The following WDR12 variants were observed in gnomAD, a reference collection of about 807,000 sequenced individuals.
WDR12 encodes ribosome biogenesis protein WDR12.
WDR12 carries 42 observed loss-of-function variants against 64.3 expected under a neutral mutation model. That is an observed-to-expected ratio of 0.65 (90% CI 0.51 to 0.84). The LOEUF (loss-of-function observed/expected upper bound fraction) is 0.84. Among genes scored for constraint, WDR12 ranks in the 40% least tolerant of loss-of-function variants. The pLI, the probability that WDR12 is intolerant of heterozygous loss-of-function variation, is 0.00. For missense variants in WDR12, 469 were observed against 494.6 expected (o/e 0.95, Z 0.49); for synonymous variants, 158 against 173.3 (o/e 0.91, Z 0.70).
At chr2:202,892,309 C>T (rs1309915750) in intron 8 of WDR12, among the ~76,000 whole-genome samples, 1 of 152,150 alleles carries the variant, frequency 6.6e-6, no homozygotes, top group East Asian at 1.9e-4. Flanking sequence ...TTAGATGCTT[C>T]ACTTTAGTGT....
In WDR12 at chr2:202,884,560, G is replaced by A. The variant is rs761524615; in HGVS notation, c.742-25C>T. The A allele has an allele frequency of 8.2e-6, 13 of 1,594,158 alleles. No individual in the cohort carries two copies. The Admixed American group carries it at 1.1e-4, about 14-fold the overall frequency. ...TCTAGAAAGGAAGAACCCCAAAAGG[G>A]GAAAGTGTTTTCATTACAGAATAAT... On this transcript the variant is annotated intron_variant, in intron 8 of 12. Transcript: ENST00000261015.
chr2:202,892,231 C>G (rs1688168722), intron 8 of WDR12, among the ~76,000 whole-genome samples: 1 of 152,118 alleles, frequency 6.6e-6, no homozygotes, highest in Non-Finnish European at 1.5e-5. Context: ...GAAGATATAA[C>G]TAGGATCCCT....
intron 8 of WDR12, among the ~76,000 whole-genome samples, chr2:202,889,683 G>T (rs1400707026): frequency 2.0e-5 from 3 of 151,924 alleles, no homozygotes; most frequent in African/African-American, 7.3e-5. Flanking sequence ...GGAAGGCCGA[G>T]GTGGGAGGAC....
At chr2:202,903,633 T>A (rs1193924214) in intron 2 of WDR12, among the ~76,000 whole-genome samples, 5 of 152,220 alleles carry the variant, frequency 3.3e-5, no homozygotes, top group Non-Finnish European at 7.3e-5. Flanking sequence ...TTTGATATAA[T>A]CTTTATTTTA....
chr2:202,888,519 A>G (rs1254779233), intron 8 of WDR12, among the ~76,000 whole-genome samples: 1 of 152,184 alleles, frequency 6.6e-6, no homozygotes, highest in Non-Finnish European at 1.5e-5. Context: ...GAAGTACTGG[A>G]GGGAAAAAAG....
chr2:202,891,490 T>C (rs1017418260), intron 8 of WDR12, among the ~76,000 whole-genome samples: 1 of 152,180 alleles, frequency 6.6e-6, no homozygotes, highest in African/African-American at 2.4e-5. Flanking sequence ...AGTAAAGAAG[T>C]TGAGTAAGTG....
At chr2:202,887,305 C>A (rs2351520) in intron 8 of WDR12, among the ~76,000 whole-genome samples, 136,261 of 151,832 alleles carry the variant, frequency 0.9, 61,635 homozygotes, top group Non-Finnish European at 0.95. Flanking sequence ...GTTACAGGTG[C>A]CCCACTGCAC....
intron 8 of WDR12, among the ~76,000 whole-genome samples, chr2:202,890,711 C>T (rs1035728825): frequency 6.6e-6 from 1 of 150,692 alleles, no homozygotes; most frequent in Admixed American, 6.6e-5. Flanking sequence ...GCGGAGCTTG[C>T]AGTGAGCCGA....
At chr2:202,898,657 T>G (rs559082656) in intron 4 of WDR12, among the ~76,000 whole-genome samples, 38 of 152,346 alleles carry the variant, frequency 2.5e-4, no homozygotes, top group African/African-American at 7.5e-4. Context: ...GAGTCCAGTC[T>G]GCTCCTTCTA....
chr2:202,899,446 GA>G, intron 4 of WDR12, 84 bp downstream of exon 4: 1 of 1,155,528 alleles, frequency 8.7e-7, no homozygotes, highest in Non-Finnish European at 1.2e-6. Context: ...TTAAATCACA[GA>G]AAAATATGTA....
At position 202,883,669 on chromosome 2, in the gene WDR12, T is replaced by C; in HGVS notation, c.1061A>G (p.His354Arg). Residue 354 changes from histidine (H) to arginine (R), a missense_variant, in exon 11 of 13, where the codon CAT becomes CGT. His to Arg is a conservative substitution (Grantham distance 29). Transcript: ENST00000261015. The stretch of plus-strand genomic sequence containing the variant: ...AGATCCTGAAATCAGCTGCTGTTCA[T>C]GGGTAGGAGACCATTTTACTGATGT... ...WVTSVKWSPT[H>R]EQQLISGSLD... 1 of 1,614,156 alleles carries C rather than the reference T, an allele frequency of 6.2e-7. No homozygotes were observed. Among genetic ancestry groups the C allele is most frequent in the Non-Finnish European group, 8.5e-7 (1 of 1,180,030 alleles).
In WDR12 at chr2:202,906,321, CTTGAATA is replaced by C. The variant is rs1361761931; in HGVS notation, c.136+1537_136+1543del. ...CAACAGGAAATGCTATGTAAATATC[CTTGAATA>C]TTGAATATTGAACTGTAACTAGCAA... On this transcript the variant is annotated intron_variant, in intron 2 of 12. Coordinates refer to ENST00000261015, the MANE Select transcript of WDR12 (RefSeq NM_018256.4). Among the ~76,000 whole-genome samples the C allele has an allele frequency of 7.2e-5, 11 of 152,146 alleles. No homozygotes were observed. The South Asian group carries it at 1.0e-3, about 14-fold the overall frequency.
At position 202,911,605 on chromosome 2, in the gene WDR12, A is replaced by G. The variant is rs954414267; in HGVS notation, c.-129T>C. 7.0e-6 allele frequency: 6 copies of G among 854,216 alleles called. No homozygotes were observed. Among genetic ancestry groups the G allele is most frequent in the African/African-American group, 1.7e-5 (1 of 60,348 alleles). The allele number at this position is 854,216 out of a possible 1,614,324, so 52.9% of individuals were successfully genotyped here. On this transcript the variant is annotated 5_prime_UTR_variant, in exon 1 of 13. Coordinates refer to ENST00000261015, the MANE Select transcript of WDR12 (RefSeq NM_018256.4). ...ACTGCACAGGTAAGCGAGGAACTGC[A>G]GTCTAAGCCTGGACTCTGCCTTCTG...
intron 8 of WDR12, among the ~76,000 whole-genome samples, chr2:202,885,478 G>A (rs1469853747): frequency 6.6e-6 from 1 of 152,128 alleles, no homozygotes; most frequent in African/African-American, 2.4e-5. Context: ...TAGTGAAACT[G>A]CTTCACAGTT....
chr2:202,892,578 G>T, intron 8 of WDR12, 39 bp downstream of exon 8: 1 of 1,440,438 alleles, frequency 6.9e-7, no homozygotes, highest in Non-Finnish European at 9.7e-7. Context: ...TGTCAACACA[G>T]GCCTAAGGCA....
chr2:202,902,721 C>T (rs918231709), intron 2 of WDR12, among the ~76,000 whole-genome samples: 2 of 152,168 alleles, frequency 1.3e-5, no homozygotes, highest in African/African-American at 2.4e-5. Flanking sequence ...TTTTGGGACT[C>T]GGACTGGCCT....
At chr2:202,886,499 T>C (rs530536107) in intron 8 of WDR12, among the ~76,000 whole-genome samples, 12 of 151,294 alleles carry the variant, frequency 7.9e-5, no homozygotes, top group African/African-American at 2.2e-4. Context: ...CTGGGTGCGG[T>C]GGCTCACACC....
Position 202,880,250 on chromosome 2 carries a change from C to T in WDR12, c.*610G>A, listed in dbSNP as rs1279737444. On this transcript the variant is annotated 3_prime_UTR_variant, in exon 13 of 13. Transcript: ENST00000261015. ...TCAATTACTGGATTTCCAATATAAC[C>T]TTTTACAGCATTTCAAAAACAAATC... 3.3e-5 allele frequency: 5 copies of T among 151,958 alleles called. No homozygotes were observed. The highest frequency in any genetic ancestry group is 7.4e-5 in the Non-Finnish European group (5 of 67,986). The allele number at this position is 151,958 out of a possible 1,614,324, so 9.4% of individuals were successfully genotyped here.
chr2:202,907,731 C>T, intron 2 of WDR12, 134 bp downstream of exon 2: 1 of 650,376 alleles, frequency 1.5e-6, no homozygotes, highest in African/African-American at 1.8e-5. Context: ...GCAGAAGAAC[C>T]TGTACTTTAT....
Sources: gnomAD v4.1 joint callset for allele counts (sites outside exome capture counted in the v4.1 genomes callset) on GRCh38, gnomAD v4.1.1 for gene constraint, MANE v1.5 for transcripts, NCBI Gene and HGNC (gene_info 2026-07-23, HGNC 2026-07-21) for gene names.